The following TAF9B variants were observed in gnomAD, a reference collection of about 807,000 sequenced individuals.
TAF9B encodes the protein transcription initiation factor TFIID subunit 9B.
Under a neutral mutation model 17.6 loss-of-function variants are expected in TAF9B, and 47 were observed. The ratio of observed to expected loss-of-function variants is 2.68; its 90% CI spans 2.12 to 3.41. The LOEUF (loss-of-function observed/expected upper bound fraction) is 3.41. Ranked by LOEUF, TAF9B falls within the 30% of genes most tolerant of loss-of-function variation. The pLI is 0.00. For synonymous variants in TAF9B, 84 were observed against 68.7 expected, an observed-to-expected ratio of 1.22 and a Z score of -1.10; for missense variants, 218 against 189.3, an observed-to-expected ratio of 1.15 and a Z score of -0.89.
chrX:78,136,972 G>A lies in TAF9B; in HGVS notation c.424C>T (p.Leu142=), dbSNP rs2078436572. ...LIKKGPNQGR[L]VPRLSVGAVS... is the part of the protein sequence containing the mutation. Reference sequence around the variant, plus strand: ...GCACCAACACTTAATCGTGGAACTAGTCTCCCTTGGTTAGGTCCCTAGGGG... The same window carrying A: ...GCACCAACACTTAATCGTGGAACTAATCTCCCTTGGTTAGGTCCCTAGGGG... The change falls in exon 5 of 7, where the codon CTA becomes TTA. Residue 142 remains leucine (L), a synonymous_variant. Transcript: ENST00000341864. 1.7e-6 allele frequency: 2 copies of A among 1,202,864 alleles called. No individual in the cohort carries two copies. Among genetic ancestry groups the A allele is most frequent in the Middle Eastern group, 4.7e-4 (2 of 4,262 alleles).
chrX:78,137,610 A>C lies in TAF9B; in HGVS notation c.405+139T>G, dbSNP rs2078438743. The C allele has an allele frequency of 4.1e-5, 23 of 561,229 alleles. No individual in the cohort carries two copies. In the South Asian group the frequency reaches 1.0e-3, roughly 25 times the overall value. The allele number at this position is 561,229 out of a possible 1,213,427, so 46.3% of individuals were successfully genotyped here. A position where few individuals can be genotyped will look rare whatever the true frequency, so the allele number is the denominator to read the frequency against. On this transcript the variant is annotated intron_variant, in intron 4 of 6. Coordinates refer to ENST00000341864, the MANE Select transcript of TAF9B (RefSeq NM_015975.5). ...ACACTAAAGTTCCATCTAGCTCGAA[A>C]ATTTTTTAAAATTAAAAAAATTCTA...
intron 5 of TAF9B, among the ~76,000 whole-genome samples, chrX:78,136,084 ATT>A (rs1197429701): frequency 5.4e-5 from 6 of 111,762 alleles, no homozygotes; most frequent in African/African-American, 2.0e-4. Flanking sequence ...GAGCCAATAA[ATT>A]AATACTGGTG....
chrX:78,136,598 T>C (rs1557250073), intron 5 of TAF9B, among the ~76,000 whole-genome samples: 1 of 112,302 alleles, frequency 8.9e-6, no homozygotes, highest in Non-Finnish European at 1.9e-5. Flanking sequence ...GCCATAAGTG[T>C]GTGTGGCACC....
chrX:78,137,067 G>T, intron 4 of TAF9B, 77 bp from the exon 5 acceptor site: 1 of 756,860 alleles, frequency 1.3e-6, no homozygotes, highest in Non-Finnish European at 2.0e-6. Context: ...GATTGCTGAT[G>T]TAAATGATTA....
Position 78,138,840 on chromosome X carries a change from T to TA in TAF9B, c.133+2dup. The TA allele has an allele frequency of 4.2e-6, 5 of 1,192,624 alleles. No homozygotes were observed. Among genetic ancestry groups the TA allele is most frequent in the Non-Finnish European group, 5.7e-6 (5 of 878,297 alleles). The stretch of plus-strand genomic sequence containing the variant: ...GCAAGTTTTTGGTGTTTCATTAACT[T>TA]ACGGAAAGCAAATTCCAACATTTGA... On this transcript the variant is annotated splice_region_variant and intron_variant, in intron 2 of 6. Transcript: ENST00000341864.
At chrX:78,132,140 T>G (rs1557249575) in intron 6 of TAF9B, among the ~76,000 whole-genome samples, 1 of 110,961 alleles carries the variant, frequency 9.0e-6, no homozygotes, top group African/African-American at 3.3e-5. Context: ...ATTATAGGCG[T>G]GTACCACCAA....
intron 6 of TAF9B, 107 bp from the exon 7 acceptor site, chrX:78,131,880 A>T: frequency 1.4e-6 from 1 of 702,546 alleles, no homozygotes; most frequent in Non-Finnish European, 2.1e-6. Context: ...TCTAATACCA[A>T]TTTCAATAGC....
At chrX:78,138,797 T>G in intron 2 of TAF9B, 46 bp downstream of exon 2, 1 of 943,682 alleles carries the variant, frequency 1.1e-6, no homozygotes, top group Non-Finnish European at 1.5e-6. Context: ...AAAATATCTT[T>G]TCAAGTTCAC....
intron 1 of TAF9B, among the ~76,000 whole-genome samples, chrX:78,139,134 G>T (rs1214216404): frequency 1.8e-5 from 2 of 111,115 alleles, no homozygotes; most frequent in Non-Finnish European, 3.8e-5. Flanking sequence ...TTTTGGCGGG[G>T]TTGGGGGCGG....
At chrX:78,132,610 CTGTGTGTGTGTGTGTGTGTGTGTG>C (rs201863850) in intron 6 of TAF9B, among the ~76,000 whole-genome samples, 29 of 96,283 alleles carry the variant, frequency 3.0e-4, no homozygotes, top group Non-Finnish European at 5.2e-4. Flanking sequence ...TTATTCCAAT[CTGTGTGTGTGTGTGTGTGTGTGTG>C]TGTGTGTGTG....
Position 78,131,698 on chromosome X carries a change from GT to G in TAF9B, c.667del (p.Thr223ProfsTer16), listed in dbSNP as rs1557249492. ...MIGPKNILIT[T>X]NMVSSQNTAN... The stretch of plus-strand genomic sequence containing the variant: ...TGTGTTCTGTGACGAAACCATGTTG[GT>G]GGTAATAAGAATATTTTTGGGCCCA... On this transcript the variant is annotated frameshift_variant, in exon 7 of 7. Coordinates refer to ENST00000341864, the MANE Select transcript of TAF9B (RefSeq NM_015975.5). LOFTEE classifies it high-confidence loss of function. 8.3e-7 allele frequency: 1 copy of G among 1,209,591 alleles called. No homozygotes were observed.
Position 78,138,925 on chromosome X carries a change from C to G in TAF9B, c.52-1G>C. The G allele has an allele frequency of 8.4e-7, 1 of 1,186,548 alleles. No individual in the cohort carries two copies. Among genetic ancestry groups the G allele is most frequent in the Non-Finnish European group, 1.1e-6 (1 of 875,348 alleles). ...TATCCTTCAGGATCTGTGCCATCAC[C>G]TGTGGATTCAAATAAAAACACCAGA... On this transcript the variant is annotated splice_acceptor_variant, in intron 1 of 6. Coordinates refer to ENST00000341864, the MANE Select transcript of TAF9B (RefSeq NM_015975.5). LOFTEE classifies it high-confidence loss of function.
chrX:78,133,083 ATTTAAC>A (rs1386936123), intron 6 of TAF9B, among the ~76,000 whole-genome samples: 1 of 111,907 alleles, frequency 8.9e-6, no homozygotes, highest in African/African-American at 3.3e-5. Context: ...AAGTTTATAA[ATTTAAC>A]TTTAAAGGTT....
Position 78,138,874 on chromosome X carries a change from C to T in TAF9B, c.102G>A (p.Arg34=). 8.3e-7 allele frequency: 1 copy of T among 1,209,446 alleles called. No individual in the cohort carries two copies. ...KDMGITEYEP[R]VINQMLEFAF... Reference sequence around the variant, plus strand: ...CAAATTCCAACATTTGATTTATAACCCTTGGTTCATACTCTGTGATTCCCA... The same window carrying T: ...CAAATTCCAACATTTGATTTATAACTCTTGGTTCATACTCTGTGATTCCCA... Residue 34 remains arginine, a synonymous_variant, in exon 2 of 7, where the codon AGG becomes AGA. Coordinates refer to ENST00000341864, the MANE Select transcript of TAF9B (RefSeq NM_015975.5).
At chrX:78,134,969 T>C (rs1181262806) in intron 5 of TAF9B, among the ~76,000 whole-genome samples, 12 of 106,654 alleles carry the variant, frequency 1.1e-4, no homozygotes, top group Admixed American at 1.0e-3. Context: ...TTTTTTTTTT[T>C]TGAGACAGAG....
In TAF9B at chrX:78,138,089, G is replaced by C. The variant is rs782707275; in HGVS notation, c.143C>G (p.Thr48Ser). The part of the protein sequence containing the change: ...QMLEFAFRYV[T>S]TILDDAKIYS... Reference sequence around the variant, plus strand: ...AATTTTTGCATCATCCAGAATTGTAGTCACATAACCTATAAGAACAAAACA... The same window carrying C: ...AATTTTTGCATCATCCAGAATTGTACTCACATAACCTATAAGAACAAAACA... The change falls in exon 3 of 7, where the codon ACT (threonine) becomes AGT (serine). Residue 48 changes from threonine (T) to serine (S), a missense_variant. Physicochemically the swap from Thr to Ser is moderately conservative, Grantham distance 58. Coordinates refer to ENST00000341864, the MANE Select transcript of TAF9B (RefSeq NM_015975.5). The C allele has an allele frequency of 2.1e-5, 25 of 1,199,913 alleles. No homozygotes were observed. The highest frequency in any genetic ancestry group is 2.7e-5 in the Non-Finnish European group (24 of 891,319).
intron 1 of TAF9B, 69 bp downstream of exon 1, chrX:78,139,492 C>T: frequency 3.3e-6 from 4 of 1,197,968 alleles, no homozygotes; most frequent in Non-Finnish European, 4.5e-6. Flanking sequence ...AGGCCCTCAG[C>T]GTGGCCCCGC....
At chrX:78,136,688 A>G (rs2078435579) in intron 5 of TAF9B, among the ~76,000 whole-genome samples, 1 of 112,123 alleles carries the variant, frequency 8.9e-6, no homozygotes, top group African/African-American at 3.2e-5. Context: ...CAATGGGGGC[A>G]ATGTCCAATT....
Position 78,139,648 on chromosome X carries a change from G to C in TAF9B, c.-37C>G. 1 of 1,209,462 alleles carries C rather than the reference G, an allele frequency of 8.3e-7. No homozygotes were observed. Among genetic ancestry groups the C allele is most frequent in the Non-Finnish European group, 1.1e-6 (1 of 894,096 alleles). ...ACTCGTCATCCGCGGAGACAGAGGA[G>C]AGAGGAGAGCTCGCGGGCTCCTCGC... On this transcript the variant is annotated 5_prime_UTR_variant, in exon 1 of 7. Transcript: ENST00000341864.
Sources: allele counts gnomAD v4.1 joint callset (sites outside exome capture counted in the v4.1 genomes callset), GRCh38; gene constraint gnomAD v4.1.1; transcripts MANE v1.5; gene names NCBI Gene and HGNC (gene_info 2026-07-23, HGNC 2026-07-21).